Variants in GLO1 observed in about 807,000 individuals in gnomAD.
GLO1 encodes the protein glyoxalase I.
A neutral mutation model predicts 26.0 loss-of-function variants in GLO1; 28 were observed. The ratio of observed to expected loss-of-function variants is 1.08; its 90% CI spans 0.80 to 1.48. GLO1 has a LOEUF of 1.48. GLO1 is among the 40% of genes most tolerant of loss of function. The pLI, the probability that GLO1 is intolerant of heterozygous loss-of-function variation, is 0.00. For missense variants in GLO1, 225 were observed against 224.8 expected, an observed-to-expected ratio of 1.00 and a Z score of -0.01; for synonymous variants, 78 against 77.6, an observed-to-expected ratio of 1.00 and a Z score of -0.03.
At position 38,684,500 on chromosome 6, in the gene GLO1, C is replaced by A; in HGVS notation, c.182G>T (p.Cys61Phe). The change falls in exon 3 of 6, where the codon TGT becomes TTT. Residue 61 changes from cysteine (C) to phenylalanine (F), a missense_variant. Transcript: ENST00000373365. ...TGAAAACTTCATAATGGGAAAATCA[C>A]ATTTTTGGATTAGCCTGCAATGAAA... Reference protein sequence around the residue: ...RVLGMTLIQKCDFPIMKFSLY... With the variant: ...RVLGMTLIQKFDFPIMKFSLY... The A allele has an allele frequency of 6.5e-7, 1 of 1,544,936 alleles. No homozygotes were observed. The highest frequency in any genetic ancestry group is 2.4e-5 in the East Asian group (1 of 41,660).
At chr6:38,677,731 A>G (rs888196298) in intron 5 of GLO1, among the ~76,000 whole-genome samples, 2 of 152,220 alleles carry the variant, frequency 1.3e-5, no homozygotes, top group Non-Finnish European at 2.9e-5. Flanking sequence ...ACTTTTATTA[A>G]TTAAAGATTT....
At chr6:38,682,951 T>A in intron 3 of GLO1, 76 bp from the exon 4 acceptor site, 1 of 872,006 alleles carries the variant, frequency 1.1e-6, no homozygotes, top group Non-Finnish European at 2.0e-6. Flanking sequence ...ATCTTTGAAA[T>A]CTTACCACGT....
chr6:38,694,339 C>A (rs566192165), intron 1 of GLO1, among the ~76,000 whole-genome samples: 7 of 152,016 alleles, frequency 4.6e-5, no homozygotes, highest in Non-Finnish European at 1.0e-4. Flanking sequence ...TTGCTGAGTT[C>A]TTCTGTTTCC....
intron 1 of GLO1, among the ~76,000 whole-genome samples, chr6:38,688,620 G>A (rs1562485858): frequency 6.6e-6 from 1 of 152,134 alleles, no homozygotes; most frequent in Admixed American, 6.6e-5. Context: ...TGTATGATCT[G>A]TCAGGCCCGA....
chr6:38,702,097 A>AT (rs1162027634), intron 1 of GLO1, among the ~76,000 whole-genome samples: 8 of 151,882 alleles, frequency 5.3e-5, no homozygotes, highest in South Asian at 4.2e-4. Context: ...CGCCCAGCTC[A>AT]TTTTTTTGTA....
In GLO1 at chr6:38,703,066, A is replaced by G. The variant is rs200613640; in HGVS notation, c.-12T>C. 580 of 1,487,438 alleles carry G rather than the reference A, an allele frequency of 3.9e-4. 1 individual carries two copies. The highest frequency in any genetic ancestry group is 4.2e-4 in the Non-Finnish European group (450 of 1,072,264). The allele number at this position is 1,487,438 out of a possible 1,614,324, so 92.1% of individuals were successfully genotyped here. Reference sequence around the variant, plus strand: ...TGCGGTTCTGCCATGGCTGCGCTGCAGTATCACAGACGACGGGACCCAAGG... The same window carrying G: ...TGCGGTTCTGCCATGGCTGCGCTGCGGTATCACAGACGACGGGACCCAAGG... On this transcript the variant is annotated 5_prime_UTR_variant, in exon 1 of 6. Transcript: ENST00000373365.
chr6:38,689,030 G>C (rs973185580), intron 1 of GLO1, among the ~76,000 whole-genome samples: 1 of 152,206 alleles, frequency 6.6e-6, no homozygotes, highest in Non-Finnish European at 1.5e-5. Context: ...TGCTGGCTCT[G>C]AGACATGGGG....
intron 1 of GLO1, among the ~76,000 whole-genome samples, chr6:38,693,386 C>G (rs1406137512): frequency 6.6e-6 from 1 of 152,098 alleles, no homozygotes; most frequent in Non-Finnish European, 1.5e-5. Flanking sequence ...TTTTCATTGT[C>G]AGTCTTGCTA....
At chr6:38,688,471 T>C (rs1009963216) in intron 1 of GLO1, among the ~76,000 whole-genome samples, 7 of 152,166 alleles carry the variant, frequency 4.6e-5, no homozygotes, top group African/African-American at 1.7e-4. Context: ...TATTCCGGTC[T>C]AAGTATACAT....
chr6:38,687,323 T>C (rs1761473213), intron 1 of GLO1, among the ~76,000 whole-genome samples: 1 of 152,208 alleles, frequency 6.6e-6, no homozygotes, highest in African/African-American at 2.4e-5. Flanking sequence ...CGTATACACC[T>C]ATGATCACCC....
chr6:38,697,588 C>A (rs192212380), intron 1 of GLO1, among the ~76,000 whole-genome samples: 48 of 152,332 alleles, frequency 3.2e-4, no homozygotes, highest in Non-Finnish European at 6.3e-4. Context: ...TTACAATTCT[C>A]CCTCTCCAGA....
chr6:38,680,627 C>T lies in GLO1; in HGVS notation c.466+1385G>A, dbSNP rs545005670. Among the ~76,000 whole-genome samples the T allele has an allele frequency of 3.0e-4, 46 of 152,294 alleles. No individual in the cohort carries two copies. The East Asian group carries it at 3.1e-3, about 10-fold the overall frequency. On this transcript the variant is annotated intron_variant, in intron 5 of 5. Coordinates refer to ENST00000373365, the MANE Select transcript of GLO1 (RefSeq NM_006708.3). Reference sequence around the variant, plus strand: ...TAAAAAGGCTGGGCATAGTGGCTCACGCCTGTAATCCCAGTGCTTTGGGAG... The same window carrying T: ...TAAAAAGGCTGGGCATAGTGGCTCATGCCTGTAATCCCAGTGCTTTGGGAG...
At position 38,682,131 on chromosome 6, in the gene GLO1, G is replaced by C. The variant is rs796289008; in HGVS notation, c.377-30C>G. 7 of 1,154,928 alleles carry C rather than the reference G, an allele frequency of 6.1e-6. No individual in the cohort carries two copies. The South Asian group carries it at 8.6e-5, about 14-fold the overall frequency. The allele number at this position is 1,154,928 out of a possible 1,614,324, so 71.5% of individuals were successfully genotyped here. A position where few individuals can be genotyped will look rare whatever the true frequency, so the allele number is the denominator to read the frequency against. On this transcript the variant is annotated intron_variant, in intron 4 of 5. Coordinates refer to ENST00000373365, the MANE Select transcript of GLO1 (RefSeq NM_006708.3). ...CGTGATACCCCCCGAAAAAAGCAGA[G>C]AGAAGGAAGAAATAATTATAACAGG...
At chr6:38,695,056 T>C (rs557897038) in intron 1 of GLO1, among the ~76,000 whole-genome samples, 2 of 152,352 alleles carry the variant, frequency 1.3e-5, no homozygotes, top group Admixed American at 6.5e-5. Context: ...ATTCTATCAA[T>C]CATTGTCTCT....
chr6:38,691,726 T>A (rs1444437045), intron 1 of GLO1, among the ~76,000 whole-genome samples: 1 of 150,976 alleles, frequency 6.6e-6, no homozygotes, highest in Non-Finnish European at 1.5e-5. Flanking sequence ...TAAGGCCCCT[T>A]TAAGCACCAG....
At chr6:38,686,657 C>T (rs1053385691) in intron 2 of GLO1, among the ~76,000 whole-genome samples, 4 of 152,200 alleles carry the variant, frequency 2.6e-5, no homozygotes, top group African/African-American at 9.7e-5. Flanking sequence ...TCAGAGAAGG[C>T]AGACTGGAGA....
chr6:38,700,889 C>T (rs1267893778), intron 1 of GLO1, among the ~76,000 whole-genome samples: 1 of 149,512 alleles, frequency 6.7e-6, no homozygotes, highest in African/African-American at 2.5e-5. Flanking sequence ...AAGTGATTTT[C>T]CTGCCTCAGC....
intron 2 of GLO1, among the ~76,000 whole-genome samples, chr6:38,686,314 A>G (rs1218595862): frequency 6.6e-6 from 1 of 152,260 alleles, no homozygotes; most frequent in Non-Finnish European, 1.5e-5. Context: ...TATGCTCAAA[A>G]GCAAAATGCT....
intron 3 of GLO1, among the ~76,000 whole-genome samples, chr6:38,683,600 A>G (rs1394730130): frequency 6.6e-6 from 1 of 152,198 alleles, no homozygotes; most frequent in Non-Finnish European, 1.5e-5. Context: ...CTAAAAGACA[A>G]ATGGAGGCCG....
Sources: allele counts gnomAD v4.1 joint callset (sites outside exome capture counted in the v4.1 genomes callset), GRCh38; gene constraint gnomAD v4.1.1; transcripts MANE v1.5; gene names NCBI Gene and HGNC (gene_info 2026-07-23, HGNC 2026-07-21).